The following STX6 variants were observed in gnomAD, a reference collection of about 807,000 sequenced individuals.
STX6 encodes the protein syntaxin-6.
STX6 carries 23 observed loss-of-function variants against 38.0 expected under a neutral mutation model. The observed-to-expected ratio is 0.60, with a 90% CI of 0.43 to 0.86. The LOEUF (loss-of-function observed/expected upper bound fraction) is 0.86. Among genes scored for constraint, STX6 ranks in the 40% least tolerant of loss-of-function variants. The probability of loss-of-function intolerance (pLI) is 0.00; values close to 1 mark genes in which losing one functional copy is unlikely to be tolerated. For synonymous variants in STX6, 123 were observed against 107.5 expected (o/e 1.14, Z -0.89); for missense variants, 274 against 312.9 (o/e 0.88, Z 0.94).
chr1:181,004,549 T>C (rs1656170500), intron 2 of STX6, among the ~76,000 whole-genome samples: 1 of 152,206 alleles, frequency 6.6e-6, no homozygotes, highest in African/African-American at 2.4e-5. Context: ...AGCTTCCAGA[T>C]AGGTGAACAT....
intron 1 of STX6, among the ~76,000 whole-genome samples, chr1:181,015,207 A>G (rs1002077097): frequency 1.3e-5 from 2 of 152,072 alleles, no homozygotes; most frequent in Admixed American, 1.3e-4. Flanking sequence ...TGACTCCCCC[A>G]CTATACTTCC....
chr1:180,976,620 T>C lies in STX6; in HGVS notation c.718A>G (p.Ile240Val). 3 of 1,613,664 alleles carry C rather than the reference T, an allele frequency of 1.9e-6. No individual in the cohort carries two copies. The highest frequency in any genetic ancestry group is 2.5e-6 in the Non-Finnish European group (3 of 1,180,012). ...SDRRQWCAIAILFAVLLVVLI... is the reference protein window; with the variant it reads ...SDRRQWCAIAVLFAVLLVVLI... ...ACAACCAACAGGACTGCAAAGAGGA[T>C]GGCTATGGCACACCATTGGCGCCGA... Residue 240 changes from isoleucine (I) to valine (V), a missense_variant, in exon 8 of 8, where the codon ATC becomes GTC. By Grantham distance (29) the Ile-to-Val change is conservative (BLOSUM62 3). Coordinates refer to ENST00000258301, the MANE Select transcript of STX6 (RefSeq NM_005819.6).
chr1:180,978,883 T>G (rs920192936), intron 7 of STX6, among the ~76,000 whole-genome samples: 2 of 152,106 alleles, frequency 1.3e-5, no homozygotes, highest in African/African-American at 4.8e-5. Flanking sequence ...TTTTACCCAG[T>G]ATATCATGTC....
chr1:180,994,624 G>A (rs1253029806), intron 3 of STX6, among the ~76,000 whole-genome samples: 1 of 152,130 alleles, frequency 6.6e-6, no homozygotes, highest in Non-Finnish European at 1.5e-5. Flanking sequence ...CACTCACGGT[G>A]GATTTCATGA....
chr1:181,013,701 A>G (rs1230852647), intron 1 of STX6, among the ~76,000 whole-genome samples: 1 of 152,206 alleles, frequency 6.6e-6, no homozygotes, highest in African/African-American at 2.4e-5. Flanking sequence ...ACAACCATTT[A>G]TCATGTCATG....
intron 1 of STX6, among the ~76,000 whole-genome samples, chr1:181,012,960 C>T (rs1453566484): frequency 6.6e-6 from 1 of 152,076 alleles, no homozygotes; most frequent in Non-Finnish European, 1.5e-5. Flanking sequence ...AGGCATGAGC[C>T]ACCGCGCCCA....
chr1:181,018,286 G>C (rs1656620902), intron 1 of STX6, among the ~76,000 whole-genome samples: 1 of 149,940 alleles, frequency 6.7e-6, no homozygotes, highest in Non-Finnish European at 1.5e-5. Flanking sequence ...GGGAGGGTGT[G>C]GCAGGAGAAT....
chr1:180,974,680 T>C lies in STX6; in HGVS notation c.*1890A>G, dbSNP rs909413200. ...GTTCACATTTACTTTAAAAGACTTC[T>C]ATATTTTAATGCAAATCTAAGGATC... is the stretch of plus-strand genomic sequence containing the variant. On this transcript the variant is annotated 3_prime_UTR_variant, in exon 8 of 8. Transcript: ENST00000258301. 6.5e-6 allele frequency: 1 copy of C among 152,706 alleles called. No homozygotes were observed. Among genetic ancestry groups the C allele is most frequent in the Non-Finnish European group, 1.5e-5 (1 of 68,052 alleles). The allele number at this position is 152,706 out of a possible 1,614,324, so 9.5% of individuals were successfully genotyped here.
chr1:181,000,940 T>C lies in STX6; in HGVS notation c.300+1666A>G, dbSNP rs1269967586. 2.0e-5 allele frequency among the ~76,000 whole-genome samples: 3 copies of C among 151,322 alleles called. No individual in the cohort carries two copies. The East Asian group carries it at 5.8e-4, about 29-fold the overall frequency. On this transcript the variant is annotated intron_variant, in intron 3 of 7. Coordinates refer to ENST00000258301, the MANE Select transcript of STX6 (RefSeq NM_005819.6). ...ATTTACTTATCTTACAAAAAATATG[T>C]CACCTAACAACAAGGCTTCCTCATC... is the stretch of plus-strand genomic sequence containing the variant.
intron 1 of STX6, among the ~76,000 whole-genome samples, chr1:181,005,671 G>T (rs1656203852): frequency 6.6e-6 from 1 of 152,160 alleles, no homozygotes; most frequent in East Asian, 1.9e-4. Flanking sequence ...GAATACAATA[G>T]CCATTATTTA....
At chr1:180,993,888 C>T (rs1430785574) in intron 3 of STX6, among the ~76,000 whole-genome samples, 1 of 152,122 alleles carries the variant, frequency 6.6e-6, no homozygotes. Flanking sequence ...ATCTTTTTTA[C>T]AATATATGTA....
At chr1:181,012,051 G>A (rs1453495120) in intron 1 of STX6, among the ~76,000 whole-genome samples, 2 of 152,100 alleles carry the variant, frequency 1.3e-5, no homozygotes, top group African/African-American at 2.4e-5. Context: ...TTGATACCCA[G>A]AACTTTCCAT....
intron 3 of STX6, among the ~76,000 whole-genome samples, chr1:181,001,770 TA>T (rs1656085998): frequency 6.6e-6 from 1 of 152,230 alleles, no homozygotes; most frequent in Non-Finnish European, 1.5e-5. Flanking sequence ...GTGAGAAAGA[TA>T]ACTAGCTTGA....
intron 5 of STX6, chr1:180,988,811 G>A (rs560029840): frequency 6.5e-6 from 1 of 153,000 alleles, no homozygotes; most frequent in South Asian, 2.1e-4. Context: ...TCTCTTCAAG[G>A]ACAAACGAAA....
Position 180,973,699 on chromosome 1 carries a change from G to A in STX6, c.*2871C>T, listed in dbSNP as rs1394745406. On this transcript the variant is annotated 3_prime_UTR_variant, in exon 8 of 8. Transcript: ENST00000258301. ...TGCCACACAGTCCAGGGCATATAGA[G>A]CATTGTGATTCTTCACAGTCCGCAG... 6.6e-6 allele frequency: 1 copy of A among 152,658 alleles called. No homozygotes were observed. The highest frequency in any genetic ancestry group is 6.5e-5 in the Admixed American group (1 of 15,278). The allele number at this position is 152,658 out of a possible 1,614,324, so 9.5% of individuals were successfully genotyped here. A position where few individuals can be genotyped will look rare whatever the true frequency, so the allele number is the denominator to read the frequency against.
At chr1:180,976,970 A>G (rs541433328) in intron 7 of STX6, among the ~76,000 whole-genome samples, 1 of 152,342 alleles carries the variant, frequency 6.6e-6, no homozygotes, top group East Asian at 1.9e-4. Flanking sequence ...GGTGTTGGCA[A>G]TGGTGTTACA....
chr1:181,015,710 A>G (rs1361941028), intron 1 of STX6, among the ~76,000 whole-genome samples: 2 of 149,648 alleles, frequency 1.3e-5, no homozygotes, highest in African/African-American at 4.9e-5. Flanking sequence ...CACTGTCACC[A>G]GGGCTGGAGT....
Position 180,999,439 on chromosome 1 carries a change from A to C in STX6, c.300+3167T>G, listed in dbSNP as rs550633000. On this transcript the variant is annotated intron_variant, in intron 3 of 7. Transcript: ENST00000258301. ...GATGTATAGGTGACTCCACAAGAGT[A>C]AAAATGATTACCTCAAAAATATGAA... Among the ~76,000 whole-genome samples the C allele has an allele frequency of 2.0e-5, 3 of 152,354 alleles. No individual in the cohort carries two copies. The South Asian group carries it at 6.2e-4, about 32-fold the overall frequency.
At chr1:180,999,551 G>A (rs151249752) in intron 3 of STX6, among the ~76,000 whole-genome samples, 176 of 151,894 alleles carry the variant, frequency 1.2e-3, no homozygotes, top group African/African-American at 4.0e-3. Flanking sequence ...AAAGATGCTT[G>A]GAAAAACATA....
Sources: gnomAD v4.1 joint callset for allele counts (sites outside exome capture counted in the v4.1 genomes callset) on GRCh38, gnomAD v4.1.1 for gene constraint, MANE v1.5 for transcripts, NCBI Gene and HGNC (gene_info 2026-07-23, HGNC 2026-07-21) for gene names.